The following CAPSL variants were observed in gnomAD, a reference collection of about 807,000 sequenced individuals.
The protein encoded by CAPSL is calcyphosin-like protein.
CAPSL carries 17 observed loss-of-function variants against 21.3 expected under a neutral mutation model. That is an observed-to-expected ratio of 0.80 (90% CI 0.55 to 1.20). The LOEUF (loss-of-function observed/expected upper bound fraction) is 1.20, where lower values mean the gene tolerates loss of function less well. Among genes scored for constraint, CAPSL ranks in the 50% most tolerant of loss-of-function variants. CAPSL has a pLI of 0.00. For missense variants in CAPSL, 289 were observed against 259.3 expected, an observed-to-expected ratio of 1.11 and a Z score of -0.79; for synonymous variants, 102 against 89.3, an observed-to-expected ratio of 1.14 and a Z score of -0.80.
intron 1 of CAPSL, among the ~76,000 whole-genome samples, chr5:35,921,454 A>G (rs915442871): frequency 5.3e-5 from 8 of 152,096 alleles, no homozygotes; most frequent in African/African-American, 7.2e-5. Context: ...ATTATATACC[A>G]TATTATTTTA....
chr5:35,935,753 C>A (rs1279375658), intron 1 of CAPSL, among the ~76,000 whole-genome samples: 4 of 152,134 alleles, frequency 2.6e-5, no homozygotes, highest in Admixed American at 2.6e-4. Flanking sequence ...CCAGCCATTA[C>A]CTACCTCATT....
intron 2 of CAPSL, among the ~76,000 whole-genome samples, chr5:35,912,685 A>G (rs1460036045): frequency 6.6e-6 from 1 of 152,244 alleles, no homozygotes; most frequent in Non-Finnish European, 1.5e-5. Flanking sequence ...AACAGATAGG[A>G]CATCCACACC....
intron 1 of CAPSL, among the ~76,000 whole-genome samples, chr5:35,932,669 T>C (rs1738851739): frequency 6.6e-6 from 1 of 152,210 alleles, no homozygotes; most frequent in Non-Finnish European, 1.5e-5. Flanking sequence ...AATATTGTTA[T>C]TCCAGAAAGT....
chr5:35,917,110 A>G (rs1348774090), intron 2 of CAPSL, among the ~76,000 whole-genome samples: 2 of 152,216 alleles, frequency 1.3e-5, no homozygotes, highest in Non-Finnish European at 2.9e-5. Context: ...AAGACATATG[A>G]AAAAATGCTC....
At chr5:35,919,160 T>TTTAAA (rs139738118) in intron 2 of CAPSL, among the ~76,000 whole-genome samples, 8 of 129,184 alleles carry the variant, frequency 6.2e-5, no homozygotes, top group Non-Finnish European at 9.6e-5. Flanking sequence ...CTTTCCTGAT[T>TTTAAA]AAAAAAAAAA....
intron 2 of CAPSL, among the ~76,000 whole-genome samples, chr5:35,911,727 A>G (rs1199970606): frequency 2.0e-5 from 3 of 152,206 alleles, no homozygotes; most frequent in Non-Finnish European, 4.4e-5. Context: ...AAAGTAGTCT[A>G]TTTAAAAAAT....
intron 2 of CAPSL, among the ~76,000 whole-genome samples, chr5:35,914,023 G>A (rs1173166011): frequency 6.6e-6 from 1 of 151,998 alleles, no homozygotes; most frequent in African/African-American, 2.4e-5. Flanking sequence ...GATCTACCAA[G>A]CAAATGGAAA....
chr5:35,912,459 C>G (rs1455934122), intron 2 of CAPSL, among the ~76,000 whole-genome samples: 4 of 152,190 alleles, frequency 2.6e-5, no homozygotes, highest in Middle Eastern at 3.2e-3. Context: ...GAGGCACCCC[C>G]CAGTAGGGGC....
chr5:35,931,565 TCTC>T (rs2149933293), intron 1 of CAPSL, among the ~76,000 whole-genome samples: 1 of 152,296 alleles, frequency 6.6e-6, no homozygotes, highest in South Asian at 2.1e-4. Context: ...CTTGCTGTCT[TCTC>T]CATCTTGCTT....
chr5:35,930,987 C>A (rs1738806562), intron 1 of CAPSL, among the ~76,000 whole-genome samples: 1 of 152,074 alleles, frequency 6.6e-6, no homozygotes, highest in Non-Finnish European at 1.5e-5. Flanking sequence ...GAGGGAAGGG[C>A]CAAGGGAATC....
intron 1 of CAPSL, among the ~76,000 whole-genome samples, chr5:35,926,910 C>G (rs1344835875): frequency 2.6e-5 from 4 of 152,134 alleles, no homozygotes; most frequent in Admixed American, 1.3e-4. Flanking sequence ...GGGAAAAGAC[C>G]GTTCCTTGAA....
chr5:35,914,875 G>A (rs7724777), intron 2 of CAPSL, among the ~76,000 whole-genome samples: 3,347 of 152,212 alleles, frequency 0.022, 120 homozygotes, highest in African/African-American at 0.077. Context: ...AGAACTCAAG[G>A]AAATAGAGAC....
intron 1 of CAPSL, among the ~76,000 whole-genome samples, chr5:35,925,702 C>T (rs1738655069): frequency 6.6e-6 from 1 of 152,026 alleles, no homozygotes; most frequent in Non-Finnish European, 1.5e-5. Flanking sequence ...AGGAAAAAGT[C>T]TTCTTAAAAG....
intron 4 of CAPSL, among the ~76,000 whole-genome samples, chr5:35,905,002 A>G (rs1315275294): frequency 6.6e-6 from 1 of 152,204 alleles, no homozygotes; most frequent in Non-Finnish European, 1.5e-5. Context: ...TCTTTCTGTG[A>G]CACGTCAGAA....
rs745575321 is a variant in CAPSL, at chr5:35,910,549, G to T, written c.138-6C>A. On this transcript the variant is annotated splice_region_variant and splice_polypyrimidine_tract_variant and intron_variant, in intron 2 of 4. Coordinates refer to ENST00000651391, the MANE Select transcript of CAPSL (RefSeq NM_001042625.2). ...CATCCATAATTCTAAACACTCTGAA[G>T]AAAATACACACAAAAATTCAGAAGA... 1.9e-6 allele frequency: 3 copies of T among 1,570,586 alleles called. No homozygotes were observed. The Admixed American group carries it at 5.3e-5, about 28-fold the overall frequency.
intron 1 of CAPSL, among the ~76,000 whole-genome samples, chr5:35,933,706 C>G (rs1738876144): frequency 3.3e-5 from 5 of 152,212 alleles, no homozygotes; most frequent in African/African-American, 1.2e-4. Flanking sequence ...AGGGGACACA[C>G]ACTAAGCAGA....
At chr5:35,926,894 T>C (rs72742474) in intron 1 of CAPSL, among the ~76,000 whole-genome samples, 21 of 152,310 alleles carry the variant, frequency 1.4e-4, no homozygotes, top group Non-Finnish European at 2.5e-4. Flanking sequence ...TGGTTTTCCT[T>C]TTTCAGGGAA....
At chr5:35,919,170 A>ATTATATATATAT (rs1554069748) in intron 2 of CAPSL, among the ~76,000 whole-genome samples, 14 of 121,268 alleles carry the variant, frequency 1.2e-4, no homozygotes, top group African/African-American at 4.1e-4. Context: ...TAAAAAAAAA[A>ATTATATATATAT]ATATATATAT....
chr5:35,910,827 T>C (rs557757834), intron 2 of CAPSL, among the ~76,000 whole-genome samples: 1 of 152,306 alleles, frequency 6.6e-6, no homozygotes, highest in African/African-American at 2.4e-5. Flanking sequence ...TGGTGAAACA[T>C]GGGATTTTTA....
Sources: allele counts gnomAD v4.1 joint callset (sites outside exome capture counted in the v4.1 genomes callset), GRCh38; gene constraint gnomAD v4.1.1; transcripts MANE v1.5; gene names NCBI Gene and HGNC (gene_info 2026-07-23, HGNC 2026-07-21).